Variants in NTRK3 observed in about 807,000 individuals in gnomAD.
NTRK3 encodes neurotrophic receptor tyrosine kinase 3.
Under a neutral mutation model 91.7 loss-of-function variants are expected in NTRK3, and 24 were observed. That is an observed-to-expected ratio of 0.26 (90% CI 0.19 to 0.37). The LOEUF (loss-of-function observed/expected upper bound fraction) is 0.37. NTRK3 is among the 10% of genes least tolerant of loss of function. The probability of loss-of-function intolerance (pLI) is 1.00; values close to 1 mark genes in which losing one functional copy is unlikely to be tolerated. For missense variants in NTRK3, 880 were observed against 1,068.9 expected (o/e 0.82, Z 2.46); for synonymous variants, 483 against 404.0 (o/e 1.20, Z -2.34).
At chr15:88,127,162 C>G in exon 12 of NTRK3, 1 of 1,613,554 alleles carries the variant, frequency 6.2e-7, no homozygotes, top group African/African-American at 1.3e-5. Context: ...AGTGACTCAC[C>G]CCAAAAGTGT....
intron 16 of NTRK3, 121 bp downstream of exon 16, chr15:87,932,891 C>T: frequency 1.0e-6 from 1 of 1,003,884 alleles, no homozygotes; most frequent in Non-Finnish European, 1.5e-6. Context: ...ATGTGTTCAT[C>T]TAATTTCTCA....
intron 13 of NTRK3, among the ~76,000 whole-genome samples, chr15:88,078,618 C>A (rs2047770127): frequency 6.6e-6 from 1 of 152,188 alleles, no homozygotes; most frequent in South Asian, 2.1e-4. Flanking sequence ...CCATTGCACT[C>A]CAGCCTGGGC....
intron 5 of NTRK3, among the ~76,000 whole-genome samples, chr15:88,156,695 T>G (rs946780228): frequency 2.0e-5 from 3 of 152,160 alleles, no homozygotes; most frequent in African/African-American, 7.2e-5. Context: ...TCCCACTGCA[T>G]TTTTCTTGGG....
At chr15:88,184,168 C>G in intron 4 of NTRK3, 57 bp downstream of exon 4, 2 of 1,552,864 alleles carry the variant, frequency 1.3e-6, no homozygotes, top group Non-Finnish European at 1.8e-6. Flanking sequence ...GAAGGCAGAC[C>G]AGGTGGCATC....
At chr15:88,230,273 T>C (rs1290777440) in intron 3 of NTRK3, among the ~76,000 whole-genome samples, 4 of 152,248 alleles carry the variant, frequency 2.6e-5, no homozygotes, top group African/African-American at 9.6e-5. Context: ...CCATTATAAG[T>C]ACTTCATCCA....
chr15:88,138,733 A>G (rs565512537), intron 6 of NTRK3, among the ~76,000 whole-genome samples: 2 of 152,282 alleles, frequency 1.3e-5, no homozygotes, highest in South Asian at 4.1e-4. Flanking sequence ...TTGCCATGCT[A>G]TATTTGTCTT....
chr15:88,109,811 C>A (rs2051132552), intron 13 of NTRK3, among the ~76,000 whole-genome samples: 1 of 152,148 alleles, frequency 6.6e-6, no homozygotes, highest in Non-Finnish European at 1.5e-5. Context: ...TGCGATTCTA[C>A]CATAAAACCA....
intron 17 of NTRK3, among the ~76,000 whole-genome samples, chr15:87,896,331 C>A (rs935466445): frequency 6.6e-6 from 1 of 151,924 alleles, no homozygotes; most frequent in African/African-American, 2.4e-5. Context: ...ATTAGCTGGG[C>A]GTGGTGGCGC....
chr15:88,027,549 AT>A (rs2078144795), intron 14 of NTRK3, among the ~76,000 whole-genome samples: 1 of 152,052 alleles, frequency 6.6e-6, no homozygotes, highest in African/African-American at 2.4e-5. Flanking sequence ...TGCCCGGCTA[AT>A]TTTTTGTATT....
chr15:87,872,167 T>C (rs2064840179), exon 19 of NTRK3: 2 of 219,886 alleles, frequency 9.1e-6, no homozygotes, highest in African/African-American at 4.5e-5. Flanking sequence ...GGGACAGCTC[T>C]CTGGACTGCT....
At chr15:88,132,946 AT>A (rs1437428550) in intron 10 of NTRK3, among the ~76,000 whole-genome samples, 2 of 152,084 alleles carry the variant, frequency 1.3e-5, no homozygotes, top group Non-Finnish European at 2.9e-5. Flanking sequence ...TCCTCCCTCC[AT>A]CCTCCTGGGG....
chr15:88,092,415 G>C (rs1247046656), intron 13 of NTRK3, among the ~76,000 whole-genome samples: 2 of 152,184 alleles, frequency 1.3e-5, no homozygotes, highest in Non-Finnish European at 1.5e-5. Context: ...GCAGGTGAGA[G>C]CCCATACACA....
intron 13 of NTRK3, among the ~76,000 whole-genome samples, chr15:88,094,619 T>C (rs911402148): frequency 6.6e-6 from 1 of 152,100 alleles, no homozygotes; most frequent in Admixed American, 6.5e-5. Flanking sequence ...CTCAGCCTTC[T>C]TGGGAAGAAG....
At chr15:88,191,395 C>T (rs564374662) in intron 3 of NTRK3, among the ~76,000 whole-genome samples, 1 of 152,268 alleles carries the variant, frequency 6.6e-6, no homozygotes, top group African/African-American at 2.4e-5. Flanking sequence ...ACCATGTTGG[C>T]CAGGCTGGTT....
At chr15:88,027,617 C>T (rs2078150861) in intron 14 of NTRK3, among the ~76,000 whole-genome samples, 1 of 152,104 alleles carries the variant, frequency 6.6e-6, no homozygotes, top group Non-Finnish European at 1.5e-5. Flanking sequence ...CTCTGGACCT[C>T]GTGATCCCCC....
chr15:87,948,457 G>A (rs1487419517), intron 14 of NTRK3, among the ~76,000 whole-genome samples: 3 of 152,248 alleles, frequency 2.0e-5, no homozygotes, highest in African/African-American at 4.8e-5. Flanking sequence ...GGAGGCCGAG[G>A]TGGGTGGATC....
At chr15:88,124,732 T>C (rs1469396532) in intron 13 of NTRK3, among the ~76,000 whole-genome samples, 1 of 152,232 alleles carries the variant, frequency 6.6e-6, no homozygotes, top group African/African-American at 2.4e-5. Flanking sequence ...TGGCATGTTG[T>C]GTTTGCAGAT....
intron 3 of NTRK3, among the ~76,000 whole-genome samples, chr15:88,187,102 CG>C (rs768633718): frequency 3.3e-5 from 5 of 152,152 alleles, no homozygotes; most frequent in Non-Finnish European, 7.3e-5. Flanking sequence ...CTGTGCCTTA[CG>C]GAAACTGAGC....
intron 13 of NTRK3, 135 bp downstream of exon 13, chr15:88,126,136 T>G: frequency 1.5e-6 from 1 of 682,598 alleles, no homozygotes; most frequent in Non-Finnish European, 2.6e-6. Context: ...CAAACAGGAG[T>G]TTCCATCAGT....
Sources: gnomAD v4.1 joint callset for allele counts (sites outside exome capture counted in the v4.1 genomes callset) on GRCh38, gnomAD v4.1.1 for gene constraint, MANE v1.5 for transcripts, NCBI Gene and HGNC (gene_info 2026-07-23, HGNC 2026-07-21) for gene names.